Variants in SEPTIN9 observed in about 807,000 individuals in gnomAD.
SEPTIN9 encodes the protein septin 9, also known as septin-9.
Under a neutral mutation model 56.6 loss-of-function variants are expected in SEPTIN9, and 13 were observed. That is an observed-to-expected ratio of 0.23 (90% CI 0.15 to 0.37). The LOEUF (loss-of-function observed/expected upper bound fraction) is 0.37. Ranked by LOEUF, SEPTIN9 falls within the 10% of genes least tolerant of loss-of-function variation. The pLI, the probability that SEPTIN9 is intolerant of heterozygous loss-of-function variation, is 1.00. For synonymous variants in SEPTIN9, 332 were observed against 334.1 expected (o/e 0.99, Z 0.07); for missense variants, 650 against 823.1 (o/e 0.79, Z 2.57).
chr17:77,498,937 T>TC lies in SEPTIN9; in HGVS notation c.*283dup. Reference sequence around the variant, plus strand: ...ATGACCCTCTGTCCCCAGGCCTGGCTCCCCGAGGGCTCAGAAGAGCAGCTT... The same window carrying TC: ...ATGACCCTCTGTCCCCAGGCCTGGCTCCCCCGAGGGCTCAGAAGAGCAGCTT... On this transcript the variant is annotated 3_prime_UTR_variant, in exon 12 of 12. Transcript: ENST00000427177. 2 of 555,360 alleles carry TC rather than the reference T, an allele frequency of 3.6e-6. No individual in the cohort carries two copies. The highest frequency in any genetic ancestry group is 3.1e-5 in the South Asian group (2 of 65,394). 34.4% of individuals were successfully genotyped at this position (555,360 alleles called of 1,614,324 possible).
chr17:77,296,335 AGATGGATG>A (rs542986795), intron 1 of SEPTIN9, among the ~76,000 whole-genome samples: 3 of 152,148 alleles, frequency 2.0e-5, no homozygotes. Context: ...AGCCAATAGG[AGATGGATG>A]GATGGATGGA....
chr17:77,398,198 C>T (rs1487480985), intron 2 of SEPTIN9, among the ~76,000 whole-genome samples: 2 of 151,684 alleles, frequency 1.3e-5, no homozygotes, highest in South Asian at 2.1e-4. Context: ...TTGTCTTGAA[C>T]TCCTGGGCTC....
At position 77,457,511 on chromosome 17, in the gene SEPTIN9, C is replaced by T. The variant is rs564589628; in HGVS notation, c.722-24633C>T. ...TCCGTGTTTATGCGCTGGGCCTTGG[C>T]AGACACCCTGAATGAGCCTCTTCCC... On this transcript the variant is annotated intron_variant, in intron 3 of 11. Coordinates refer to ENST00000427177, the MANE Select transcript of SEPTIN9 (RefSeq NM_001113491.2). Among the ~76,000 whole-genome samples the T allele has an allele frequency of 3.3e-5, 5 of 152,320 alleles. No homozygotes were observed. In the East Asian group the frequency reaches 9.7e-4, roughly 29 times the overall value.
At chr17:77,289,075 C>CT (rs1010237444) in intron 1 of SEPTIN9, among the ~76,000 whole-genome samples, 1 of 152,002 alleles carries the variant, frequency 6.6e-6, no homozygotes, top group Non-Finnish European at 1.5e-5. Context: ...TATGCCGCTT[C>CT]TTTTTTTTGT....
At position 77,433,511 on chromosome 17, in the gene SEPTIN9, G is replaced by A. The variant is rs936556673; in HGVS notation, c.721+30808G>A. Among the ~76,000 whole-genome samples the A allele has an allele frequency of 5.9e-5, 9 of 152,174 alleles. No individual in the cohort carries two copies. Among genetic ancestry groups the A allele is most frequent in the African/African-American group, 1.9e-4 (8 of 41,444 alleles). On this transcript the variant is annotated intron_variant, in intron 3 of 11. Transcript: ENST00000427177. The surrounding 1 kb of genome is among the most constrained non-coding windows in gnomAD (Gnocchi z 6.4). ...TTTTGTGCCTGTGACGGCCAAAAGGGATGGCGCCCCAGCCACGTTCCCACC... is the reference window on the plus strand; with the variant it reads ...TTTTGTGCCTGTGACGGCCAAAAGGAATGGCGCCCCAGCCACGTTCCCACC...
intron 3 of SEPTIN9, among the ~76,000 whole-genome samples, chr17:77,438,860 GCTCTGGGAGATTCTGGGCTC>G (rs961014636): frequency 1.3e-5 from 2 of 152,238 alleles, no homozygotes; most frequent in African/African-American, 4.8e-5. Context: ...TGGATCTCAA[GCTCTGGGAGATTCTGGGCTC>G]CTCTGGACTG....
At chr17:77,471,318 T>A (rs185085594) in intron 3 of SEPTIN9, among the ~76,000 whole-genome samples, 57 of 152,270 alleles carry the variant, frequency 3.7e-4, no homozygotes, top group Non-Finnish European at 6.5e-4. Context: ...CTGCTGTCTC[T>A]GAAGGGCCTG....
chr17:77,348,547 AC>A (rs1455459992), intron 2 of SEPTIN9, among the ~76,000 whole-genome samples: 1 of 151,892 alleles, frequency 6.6e-6, no homozygotes, highest in Non-Finnish European at 1.5e-5. Context: ...CGATCCGCCC[AC>A]CCTGGCCTCC....
At chr17:77,337,600 A>C (rs932279830) in intron 2 of SEPTIN9, among the ~76,000 whole-genome samples, 10 of 152,100 alleles carry the variant, frequency 6.6e-5, no homozygotes, top group Admixed American at 6.6e-4. Context: ...GTTTGATAGA[A>C]TCCACCAAGA....
chr17:77,482,060 C>T (rs2039477159), intron 3 of SEPTIN9, 84 bp from the exon 4 acceptor site: 1 of 1,340,098 alleles, frequency 7.5e-7, no homozygotes, highest in Non-Finnish European at 1.0e-6. Flanking sequence ...TTTCCCCATC[C>T]AAGGATGGGT....
rs2034618069 is a variant in SEPTIN9, at chr17:77,367,881, A to G, written c.77-34178A>G. ...AATAATAAAAGCAAGGACTTGAACA[A>G]ATATTTGCACACCCATGTTTGTAGC... is the stretch of plus-strand genomic sequence containing the variant. On this transcript the variant is annotated intron_variant, in intron 2 of 11. Transcript: ENST00000427177. This position sits in a 1 kb window ranked among gnomAD's most constrained non-coding sequence, Gnocchi z 4.5. Among the ~76,000 whole-genome samples the G allele has an allele frequency of 6.6e-6, 1 of 152,186 alleles. No individual in the cohort carries two copies. The highest frequency in any genetic ancestry group is 1.5e-5 in the Non-Finnish European group (1 of 68,022).
intron 3 of SEPTIN9, among the ~76,000 whole-genome samples, chr17:77,467,976 G>C (rs1256863970): frequency 2.0e-5 from 3 of 152,164 alleles, no homozygotes; most frequent in African/African-American, 7.2e-5. Flanking sequence ...TAAGAACTGA[G>C]GGACCTAGGC....
In SEPTIN9 at chr17:77,294,573, T is replaced by A. The variant is rs557393466; in HGVS notation, c.20-12568T>A. 16 of 153,994 alleles carry A rather than the reference T, an allele frequency of 1.0e-4. No individual in the cohort carries two copies. In the East Asian group the frequency reaches 2.0e-3, roughly 20 times the overall value. 9.5% of individuals were successfully genotyped at this position (153,994 alleles called of 1,614,324 possible). On this transcript the variant is annotated intron_variant, in intron 1 of 11. Transcript: ENST00000427177. Reference sequence around the variant, plus strand: ...TGTTCAAGATACACAGGAATTCTGGTAAATCCTGTTTTTTTCTTTTTTTTT... The same window carrying A: ...TGTTCAAGATACACAGGAATTCTGGAAAATCCTGTTTTTTTCTTTTTTTTT...
intron 2 of SEPTIN9, among the ~76,000 whole-genome samples, chr17:77,350,232 G>A (rs764738952): frequency 1.3e-5 from 2 of 152,174 alleles, no homozygotes; most frequent in Non-Finnish European, 2.9e-5. Flanking sequence ...CACTAGAGGG[G>A]CAGGGTTGGG....
chr17:77,296,280 C>T (rs2031807560), intron 1 of SEPTIN9, among the ~76,000 whole-genome samples: 1 of 152,190 alleles, frequency 6.6e-6, no homozygotes, highest in African/African-American at 2.4e-5. Flanking sequence ...GCAGCCTGAG[C>T]TTACCAAGGC....
In SEPTIN9 at chr17:77,297,745, T is replaced by A. The variant is rs75615835; in HGVS notation, c.20-9396T>A. ...AAACAAGGACTCTTGTTTCTTGGAG[T>A]TTACATGCAGTAGAAGGAAACAGAA... is the stretch of plus-strand genomic sequence containing the variant. On this transcript the variant is annotated intron_variant, in intron 1 of 11. Transcript: ENST00000427177. Among the ~76,000 whole-genome samples, 746 of 151,854 alleles carry A rather than the reference T, an allele frequency of 4.9e-3. 4 individuals carry two copies. Among genetic ancestry groups the A allele is most frequent in the African/African-American group, 0.017 (707 of 41,362 alleles).
At position 77,318,559 on chromosome 17, in the gene SEPTIN9, T is replaced by G. The variant is rs2032787792; in HGVS notation, c.76+11362T>G. 6.6e-6 allele frequency among the ~76,000 whole-genome samples: 1 copy of G among 152,030 alleles called. No individual in the cohort carries two copies. The highest frequency in any genetic ancestry group is 1.5e-5 in the Non-Finnish European group (1 of 67,988). ...CTCCCTTCCTCCCCAGCCTCCCACC[T>G]CGGCTGAGATGCTGTCCCCACCTCC... On this transcript the variant is annotated intron_variant, in intron 2 of 11. Transcript: ENST00000427177. This position sits in a 1 kb window ranked among gnomAD's most constrained non-coding sequence, Gnocchi z 4.9.
At chr17:77,325,118 C>T (rs1421787669) in intron 2 of SEPTIN9, among the ~76,000 whole-genome samples, 1 of 152,184 alleles carries the variant, frequency 6.6e-6, no homozygotes, top group Non-Finnish European at 1.5e-5. Context: ...CGCACCCAGG[C>T]TGATATGCAA....
At chr17:77,320,271 G>A in intron 2 of SEPTIN9, 1 of 1,611,894 alleles carries the variant, frequency 6.2e-7, no homozygotes, top group Non-Finnish European at 8.5e-7. Context: ...AGAAAGGGGA[G>A]GCCGCCTCTG....
Sources: gnomAD v4.1 joint callset for allele counts (sites outside exome capture counted in the v4.1 genomes callset) on GRCh38, gnomAD v4.1.1 for gene constraint, Gnocchi (gnomAD v3.1) non-coding constraint, MANE v1.5 for transcripts, NCBI Gene and HGNC (gene_info 2026-07-23, HGNC 2026-07-21) for gene names.